NUAK1: variants seen among roughly 807,000 people sequenced by gnomAD.
The protein encoded by NUAK1 is NUAK family SNF1-like kinase 1.
Under a neutral mutation model 56.9 loss-of-function variants are expected in NUAK1, and 26 were observed. The observed-to-expected ratio is 0.46, with a 90% CI of 0.33 to 0.63. The LOEUF (loss-of-function observed/expected upper bound fraction) is 0.63. Ranked by LOEUF, NUAK1 falls within the 30% of genes least tolerant of loss-of-function variation. The probability of loss-of-function intolerance (pLI) is 0.02; values close to 1 mark genes in which losing one functional copy is unlikely to be tolerated. For synonymous variants in NUAK1, 337 were observed against 336.0 expected, an observed-to-expected ratio of 1.00 and a Z score of -0.03; for missense variants, 727 against 876.1, an observed-to-expected ratio of 0.83 and a Z score of 2.15.
intron 1 of NUAK1, among the ~76,000 whole-genome samples, chr12:106,131,502 G>A (rs1373006429): frequency 6.6e-6 from 1 of 152,160 alleles, no homozygotes; most frequent in African/African-American, 2.4e-5. Flanking sequence ...CATCCATGCT[G>A]TCACATGTAT....
chr12:106,080,186 C>A (rs2032501484), intron 4 of NUAK1, among the ~76,000 whole-genome samples: 1 of 152,212 alleles, frequency 6.6e-6, no homozygotes, highest in Non-Finnish European at 1.5e-5. Flanking sequence ...TTGGCCCTGG[C>A]CATTCAAAGC....
intron 4 of NUAK1, among the ~76,000 whole-genome samples, chr12:106,074,451 G>C (rs1332559003): frequency 6.6e-6 from 1 of 152,160 alleles, no homozygotes; most frequent in Non-Finnish European, 1.5e-5. Context: ...TCATTTAACA[G>C]ATGAGGAAAT....
At chr12:106,110,401 C>G (rs1390197145) in intron 1 of NUAK1, among the ~76,000 whole-genome samples, 1 of 152,150 alleles carries the variant, frequency 6.6e-6, no homozygotes, top group Non-Finnish European at 1.5e-5. Flanking sequence ...AGGGTACGGG[C>G]AATAAGCAAA....
chr12:106,091,813 A>AT (rs1260940327), intron 2 of NUAK1, among the ~76,000 whole-genome samples: 1 of 152,198 alleles, frequency 6.6e-6, no homozygotes, highest in Non-Finnish European at 1.5e-5. Flanking sequence ...GTTAATATTT[A>AT]TTGAACAGTT....
intron 1 of NUAK1, among the ~76,000 whole-genome samples, chr12:106,121,150 A>C (rs968015092): frequency 6.6e-6 from 1 of 152,172 alleles, no homozygotes; most frequent in East Asian, 1.9e-4. Flanking sequence ...GGCAGACCCG[A>C]GCTTTTAACT....
At chr12:106,079,609 T>C (rs539381350) in intron 4 of NUAK1, among the ~76,000 whole-genome samples, 1 of 152,202 alleles carries the variant, frequency 6.6e-6, no homozygotes, top group Non-Finnish European at 1.5e-5. Context: ...GAGAGCTTGG[T>C]GGATGACAGG....
At position 106,086,797 on chromosome 12, in the gene NUAK1, G is replaced by A; in HGVS notation, c.450C>T (p.Leu150=). 1.2e-6 allele frequency: 2 copies of A among 1,614,152 alleles called. No individual in the cohort carries two copies. Among genetic ancestry groups the A allele is most frequent in the Non-Finnish European group, 1.7e-6 (2 of 1,180,020 alleles). The stretch of plus-strand genomic sequence containing the variant: ...AGAAGTGCCGGGTCTCCCTCTCACT[G>A]AGGCGTCGCCGCTCACTGATGTAAT... ...LYDYISERRR[L]SERETRHFFR... The change falls in exon 3 of 7, where the codon CTC becomes CTT. Residue 150 remains leucine, a synonymous_variant. Transcript: ENST00000261402.
chr12:106,118,260 G>A (rs1384392969), intron 1 of NUAK1, among the ~76,000 whole-genome samples: 3 of 152,150 alleles, frequency 2.0e-5, no homozygotes, highest in African/African-American at 7.2e-5. Context: ...GAGGAAAACA[G>A]AAACCAACAA....
At chr12:106,121,838 G>T (rs2032979598) in intron 1 of NUAK1, among the ~76,000 whole-genome samples, 1 of 152,098 alleles carries the variant, frequency 6.6e-6, no homozygotes, top group Non-Finnish European at 1.5e-5. Flanking sequence ...GAACGGGTTG[G>T]TGGATCCCTA....
intron 2 of NUAK1, among the ~76,000 whole-genome samples, chr12:106,092,495 CAA>C (rs879689800): frequency 1.5e-5 from 2 of 134,900 alleles, no homozygotes; most frequent in African/African-American, 5.4e-5. Flanking sequence ...GACTCTGTCT[CAA>C]AAAAAAAAAA....
chr12:106,087,008 A>G, intron 2 of NUAK1, 123 bp from the exon 3 acceptor site: 1 of 1,262,180 alleles, frequency 7.9e-7, no homozygotes, highest in Non-Finnish European at 1.1e-6. Context: ...GATGGGTCAG[A>G]ACACAAATCA....
In NUAK1 at chr12:106,086,268, T is replaced by C. The variant is rs111829447; in HGVS notation, c.513+466A>G. 3.1e-3 allele frequency among the ~76,000 whole-genome samples: 477 copies of C among 152,230 alleles called. 4 individuals are homozygous for C. Among genetic ancestry groups the C allele is most frequent in the African/African-American group, 0.011 (450 of 41,518 alleles). The stretch of plus-strand genomic sequence containing the variant: ...ATAGGAAAATATTTAGATTAAAGTA[T>C]TAAGTAAAAAAGCATGACACAAACG... On this transcript the variant is annotated intron_variant, in intron 3 of 6. Coordinates refer to ENST00000261402, the MANE Select transcript of NUAK1 (RefSeq NM_014840.3).
intron 2 of NUAK1, among the ~76,000 whole-genome samples, chr12:106,100,875 T>C (rs7485023): frequency 0.18 from 27,507 of 152,192 alleles, 2,739 homozygotes; most frequent in Admixed American, 0.23. Flanking sequence ...TCTTTAATCA[T>C]AAAGATCTTT....
chr12:106,079,256 T>C (rs2032492401), intron 4 of NUAK1, among the ~76,000 whole-genome samples: 1 of 152,128 alleles, frequency 6.6e-6, no homozygotes, highest in South Asian at 2.1e-4. Flanking sequence ...CCTTTTCTAG[T>C]CTCCATGCTG....
chr12:106,101,605 C>T (rs2032748662), intron 2 of NUAK1, among the ~76,000 whole-genome samples: 1 of 152,204 alleles, frequency 6.6e-6, no homozygotes, highest in South Asian at 2.1e-4. Context: ...CCTTCCCTCA[C>T]CACACTCAGA....
chr12:106,131,055 T>C (rs1319483068), intron 1 of NUAK1, among the ~76,000 whole-genome samples: 2 of 152,146 alleles, frequency 1.3e-5, no homozygotes, highest in African/African-American at 2.4e-5. Flanking sequence ...GAGATTGTCT[T>C]CGCTTCTTTC....
At chr12:106,069,895 C>CT (rs2032386593) in intron 6 of NUAK1, among the ~76,000 whole-genome samples, 1 of 152,110 alleles carries the variant, frequency 6.6e-6, no homozygotes, top group South Asian at 2.1e-4. Context: ...TGTACACACT[C>CT]TCTATACAGG....
chr12:106,093,395 AC>A (rs1367937868), intron 2 of NUAK1, among the ~76,000 whole-genome samples: 2 of 152,216 alleles, frequency 1.3e-5, no homozygotes, highest in African/African-American at 4.8e-5. Context: ...AGCAACAGCT[AC>A]TTCTCCACAT....
At chr12:106,120,745 G>A (rs928052161) in intron 1 of NUAK1, among the ~76,000 whole-genome samples, 2 of 152,202 alleles carry the variant, frequency 1.3e-5, no homozygotes, top group African/African-American at 4.8e-5. Flanking sequence ...GGCAGCCTAT[G>A]ACGCAAGATA....
Sources: allele counts gnomAD v4.1 joint callset (sites outside exome capture counted in the v4.1 genomes callset), GRCh38; gene constraint gnomAD v4.1.1; transcripts MANE v1.5; gene names NCBI Gene and HGNC (gene_info 2026-07-23, HGNC 2026-07-21).